The following AOX1 variants were observed in gnomAD, a reference collection of about 807,000 sequenced individuals.
AOX1 encodes aldehyde oxidase 1.
AOX1 carries 153 observed loss-of-function variants against 169.5 expected under a neutral mutation model. That is an observed-to-expected ratio of 0.90 (90% CI 0.79 to 1.03). The LOEUF is 1.03. Ranked by LOEUF, AOX1 falls within the 50% of genes least tolerant of loss-of-function variation. AOX1 has a pLI of 0.00. For missense variants in AOX1, 1,656 were observed against 1,663.9 expected, an observed-to-expected ratio of 1.00 and a Z score of 0.08; for synonymous variants, 562 against 581.9, an observed-to-expected ratio of 0.97 and a Z score of 0.49.
downstream of AOX1, among the ~76,000 whole-genome samples, chr2:200,681,926 G>GTT (rs142793319): frequency 1.4e-5 from 2 of 145,986 alleles, no homozygotes; most frequent in Admixed American, 6.8e-5. Context: ...ACCTTTTGGG[G>GTT]TTTTTTTTTT....
intron 31 of AOX1, among the ~76,000 whole-genome samples, 171 bp from the exon 32 acceptor site, chr2:200,666,516 T>C (rs1375656256): frequency 6.6e-6 from 1 of 152,214 alleles, no homozygotes; most frequent in African/African-American, 2.4e-5. Flanking sequence ...ATTTTGAAAG[T>C]TTTACATAAT....
At chr2:200,596,930 T>A (rs2034295577) in intron 3 of AOX1, among the ~76,000 whole-genome samples, 1 of 152,196 alleles carries the variant, frequency 6.6e-6, no homozygotes, top group African/African-American at 2.4e-5. Context: ...GTCTTTGTAC[T>A]AAGGCACCAG....
intron 26 of AOX1, among the ~76,000 whole-genome samples, chr2:200,653,986 G>A (rs1041541011): frequency 1.3e-5 from 2 of 152,000 alleles, no homozygotes; most frequent in Non-Finnish European, 1.5e-5. Flanking sequence ...CACAAATAGA[G>A]GAGCATTCTT....
intron 22 of AOX1, 113 bp from the exon 23 acceptor site, chr2:200,638,102 T>G: frequency 1.2e-6 from 1 of 848,812 alleles, no homozygotes. Flanking sequence ...AATAGTTGTG[T>G]TGTTCTGTGA....
At chr2:200,634,947 C>T (rs777271669) in intron 21 of AOX1, 32 bp downstream of exon 21, 3 of 1,606,098 alleles carry the variant, frequency 1.9e-6, no homozygotes, top group Non-Finnish European at 2.5e-6. Context: ...GAGGACATGG[C>T]TAAATGATTT....
intron 18 of AOX1, among the ~76,000 whole-genome samples, chr2:200,622,596 G>A (rs925632439): frequency 4.6e-5 from 7 of 152,132 alleles, no homozygotes; most frequent in South Asian, 2.1e-4. Flanking sequence ...TGGCAGAGAC[G>A]GTGAGAATTT....
At chr2:200,634,438 TG>T (rs1348110523) in intron 20 of AOX1, among the ~76,000 whole-genome samples, 1 of 152,172 alleles carries the variant, frequency 6.6e-6, no homozygotes, top group Non-Finnish European at 1.5e-5. Flanking sequence ...CATCTACTCC[TG>T]CTGGTCCTAG....
intron 20 of AOX1, among the ~76,000 whole-genome samples, chr2:200,634,137 G>A (rs1424271769): frequency 6.8e-6 from 1 of 147,624 alleles, no homozygotes; most frequent in Non-Finnish European, 1.5e-5. Context: ...TGGTCCTTTG[G>A]CTAGGGAGAG....
At position 200,603,295 on chromosome 2, in the gene AOX1, A is replaced by G; in HGVS notation, c.527A>G (p.Asn176Ser). The G allele has an allele frequency of 6.2e-7, 1 of 1,613,978 alleles. No individual in the cohort carries two copies. The highest frequency in any genetic ancestry group is 8.5e-7 in the Non-Finnish European group (1 of 1,179,938). Residue 176 changes from asparagine to serine, a missense_variant, in exon 7 of 35, where the codon AAT becomes AGT. Physicochemically the swap from Asn to Ser is conservative, Grantham distance 46. Coordinates refer to ENST00000374700, the MANE Select transcript of AOX1 (RefSeq NM_001159.4). Reference sequence around the variant, plus strand: ...TCGGGCTGCTGTCAAAGTAAAGAAAATGGGGTTTGCTGTTTGGATCAAGGA... The same window carrying G: ...TCGGGCTGCTGTCAAAGTAAAGAAAGTGGGGTTTGCTGTTTGGATCAAGGA... Reference protein sequence around the residue: ...KTSGCCQSKENGVCCLDQGIN... With the variant: ...KTSGCCQSKESGVCCLDQGIN...
intron 16 of AOX1, among the ~76,000 whole-genome samples, chr2:200,620,383 T>TGTTTTGTTTTG: frequency 6.6e-6 from 1 of 151,600 alleles, no homozygotes; most frequent in South Asian, 2.1e-4. Context: ...TGTTTTGTTT[T>TGTTTTGTTTTG]TTTTTAGTAG....
At chr2:200,662,084 A>G (rs569287767) in intron 30 of AOX1, among the ~76,000 whole-genome samples, 19 of 152,380 alleles carry the variant, frequency 1.2e-4, no homozygotes, top group African/African-American at 4.6e-4. Flanking sequence ...GATGTGAAAC[A>G]ACAGGAACTC....
rs1369417190 is a variant in AOX1, at chr2:200,676,613, AAAAGAAG to A, written c.487-262_487-256del. On this transcript the variant is annotated intron_variant, in intron 4 of 4. Coordinates refer to the AOX1 transcript ENST00000439380. ...AGACTACATCTCAAAAAAAAAAAAA[AAAAGAAG>A]AAGAAGAAGAAGAAGAAGATAGCTT... Among the ~76,000 whole-genome samples, 168 of 151,734 alleles carry A rather than the reference AAAAGAAG, an allele frequency of 1.1e-3. 1 individual carries two copies. The highest frequency in any genetic ancestry group is 3.8e-3 in the African/African-American group (158 of 41,290).
At chr2:200,658,684 T>C (rs1472804885) in intron 27 of AOX1, among the ~76,000 whole-genome samples, 1 of 152,250 alleles carries the variant, frequency 6.6e-6, no homozygotes, top group African/African-American at 2.4e-5. Flanking sequence ...CGCCATCTCC[T>C]GTGACCCACA....
At chr2:200,603,389 C>T (rs1253953890) in intron 7 of AOX1, 33 bp downstream of exon 7, 20 of 1,543,882 alleles carry the variant, frequency 1.3e-5, no homozygotes, top group Admixed American at 1.7e-5. Context: ...ATAAGGCTTT[C>T]TCAGGACATG....
chr2:200,600,787 G>GAT (rs1360828222), intron 5 of AOX1, among the ~76,000 whole-genome samples: 1 of 152,138 alleles, frequency 6.6e-6, no homozygotes, highest in Non-Finnish European at 1.5e-5. Context: ...GTAAACAAGT[G>GAT]ATAAGGGGTT....
At chr2:200,666,803 G>A (rs56291912) in intron 32 of AOX1, 51 bp downstream of exon 32, 124 of 1,353,262 alleles carry the variant, frequency 9.2e-5, no homozygotes, top group South Asian at 2.9e-4. Flanking sequence ...CCAAAAGTGC[G>A]GTGGGGTCTG....
At chr2:200,595,702 A>G (rs569704590) in intron 3 of AOX1, among the ~76,000 whole-genome samples, 177 of 152,228 alleles carry the variant, frequency 1.2e-3, no homozygotes, top group Non-Finnish European at 2.0e-3. Context: ...TAAGAAAAAA[A>G]AAAATCCCCT....
chr2:200,628,979 T>G (rs2035060185), intron 20 of AOX1, among the ~76,000 whole-genome samples: 1 of 152,054 alleles, frequency 6.6e-6, no homozygotes. Context: ...CTTCTTAATT[T>G]TTCTCACCAA....
In AOX1 at chr2:200,642,869, A is replaced by G. The variant is rs900001287; in HGVS notation, c.2847+68A>G. ...AGAGACGGTAGGGCCTTTGGGGGCC[A>G]TTCAGGTTGAGGAATTTGAGACCCA... On this transcript the variant is annotated intron_variant, in intron 25 of 34. Coordinates refer to ENST00000374700, the MANE Select transcript of AOX1 (RefSeq NM_001159.4). The G allele has an allele frequency of 1.4e-5, 20 of 1,476,550 alleles. 1 individual carries two copies. In the South Asian group the frequency reaches 1.8e-4, roughly 14 times the overall value. The allele number at this position is 1,476,550 out of a possible 1,614,324, so 91.5% of individuals were successfully genotyped here.
Sources: allele counts gnomAD v4.1 joint callset (sites outside exome capture counted in the v4.1 genomes callset), GRCh38; gene constraint gnomAD v4.1.1; transcripts MANE v1.5; gene names NCBI Gene and HGNC (gene_info 2026-07-23, HGNC 2026-07-21).